Variants in PRKN observed in about 807,000 individuals in gnomAD.
PRKN encodes the protein E3 ubiquitin-protein ligase parkin.
A neutral mutation model predicts 59.5 loss-of-function variants in PRKN; 56 were observed. The observed-to-expected ratio is 0.94, with a 90% CI of 0.76 to 1.18. The LOEUF is 1.18. Ranked by LOEUF, PRKN falls within the 50% of genes most tolerant of loss-of-function variation. The pLI is 0.00. For synonymous variants in PRKN, 250 were observed against 222.1 expected (o/e 1.13, Z -1.12); for missense variants, 657 against 596.4 (o/e 1.10, Z -1.06).
chr6:162,615,703 A>C (rs1476124591), intron 1 of PRKN, among the ~76,000 whole-genome samples: 1 of 152,232 alleles, frequency 6.6e-6, no homozygotes, highest in Non-Finnish European at 1.5e-5. Context: ...TTAATTATCA[A>C]ATGTGCCAGC....
intron 2 of PRKN, among the ~76,000 whole-genome samples, chr6:162,266,993 AT>A (rs201317997): frequency 0.012 from 1,786 of 152,302 alleles, 19 homozygotes; most frequent in Middle Eastern, 0.031. Context: ...ATACAAAAAA[AT>A]AATTCCTATA....
At chr6:161,795,402 T>C (rs2128209117) in intron 6 of PRKN, among the ~76,000 whole-genome samples, 1 of 151,898 alleles carries the variant, frequency 6.6e-6, no homozygotes, top group African/African-American at 2.4e-5. Context: ...CTGGCTAATC[T>C]TTCCTATTTT....
intron 6 of PRKN, among the ~76,000 whole-genome samples, chr6:161,897,322 A>G (rs1777665333): frequency 6.6e-6 from 1 of 152,194 alleles, no homozygotes; most frequent in Non-Finnish European, 1.5e-5. Flanking sequence ...CTTCTCTCCT[A>G]TCATCCCTCT....
At chr6:162,404,727 T>C (rs577256657) in intron 2 of PRKN, among the ~76,000 whole-genome samples, 2 of 152,232 alleles carry the variant, frequency 1.3e-5, no homozygotes, top group South Asian at 2.1e-4. Flanking sequence ...TAATTTTGTA[T>C]TTTGAGTAGA....
intron 7 of PRKN, among the ~76,000 whole-genome samples, chr6:161,712,689 G>C (rs990548987): frequency 2.6e-5 from 4 of 151,828 alleles, no homozygotes; most frequent in Non-Finnish European, 4.4e-5. Flanking sequence ...TTTTTCACTT[G>C]ATAGGACTCA....
At chr6:162,163,134 G>T (rs936627862) in intron 4 of PRKN, among the ~76,000 whole-genome samples, 1 of 149,336 alleles carries the variant, frequency 6.7e-6, no homozygotes, top group African/African-American at 2.5e-5. Flanking sequence ...AAAGTGCTAT[G>T]AATGCCTAGA....
At chr6:161,600,867 C>T (rs1220307141) in intron 7 of PRKN, among the ~76,000 whole-genome samples, 1 of 152,052 alleles carries the variant, frequency 6.6e-6, no homozygotes, top group Admixed American at 6.5e-5. Flanking sequence ...CAGGTCAGGG[C>T]AAAAATTAGA....
At chr6:162,418,825 C>A (rs536367924) in intron 2 of PRKN, among the ~76,000 whole-genome samples, 24 of 151,860 alleles carry the variant, frequency 1.6e-4, no homozygotes, top group Admixed American at 9.8e-4. Flanking sequence ...CTCCTGTCAG[C>A]AGACCACTGC....
At position 161,576,606 on chromosome 6, in the gene PRKN, A is replaced by G. The variant is rs1781138908; in HGVS notation, c.872-7190T>C. 6.6e-6 allele frequency among the ~76,000 whole-genome samples: 1 copy of G among 152,248 alleles called. No homozygotes were observed. The highest frequency in any genetic ancestry group is 3.2e-3 in the Middle Eastern group (1 of 316). On this transcript the variant is annotated intron_variant, in intron 7 of 11. Transcript: ENST00000366898. This position sits in a 1 kb window ranked among gnomAD's most constrained non-coding sequence, Gnocchi z 4.6. ...GGTCGCAGCCGTGAAAAATTAAAAC[A>G]GACAAAAATCCCTCATTGGAGCTTG...
chr6:161,429,007 G>T lies in PRKN; in HGVS notation c.1084-42130C>A, dbSNP rs893011877. On this transcript the variant is annotated intron_variant, in intron 9 of 11. Transcript: ENST00000366898. This position sits in a 1 kb window ranked among gnomAD's most constrained non-coding sequence, Gnocchi z 4.2. ...TCAGGTCAGCTGGTTCAAGAAGGGG[G>T]AAAGTTTTGCTCATGTCCAAGAGAT... Among the ~76,000 whole-genome samples the T allele has an allele frequency of 6.6e-6, 1 of 152,136 alleles. No individual in the cohort carries two copies. The highest frequency in any genetic ancestry group is 1.5e-5 in the Non-Finnish European group (1 of 68,012).
At position 162,243,921 on chromosome 6, in the gene PRKN, T is replaced by C. The variant is rs1054367220; in HGVS notation, c.412+18604A>G. Among the ~76,000 whole-genome samples the C allele has an allele frequency of 1.3e-5, 2 of 152,094 alleles. 1 individual carries two copies. Among genetic ancestry groups the C allele is most frequent in the Non-Finnish European group, 2.9e-5 (2 of 67,966 alleles). On this transcript the variant is annotated intron_variant, in intron 3 of 11. Transcript: ENST00000366898. ...ATGGTGCCATCAATCTATCAATAATTTGCAGTTATGGGCAACAACTGTCAA... is the reference window on the plus strand; with the variant it reads ...ATGGTGCCATCAATCTATCAATAATCTGCAGTTATGGGCAACAACTGTCAA...
chr6:162,387,234 C>CA (rs34452454), intron 2 of PRKN, among the ~76,000 whole-genome samples: 6,844 of 100,968 alleles, frequency 0.068, 255 homozygotes, highest in Non-Finnish European at 0.1. Flanking sequence ...AAAAAATAAG[C>CA]AAAAAAAAAA....
intron 8 of PRKN, among the ~76,000 whole-genome samples, chr6:161,557,961 A>G (rs1251902947): frequency 1.3e-5 from 2 of 152,172 alleles, no homozygotes; most frequent in African/African-American, 2.4e-5. Context: ...AGCCAAAAGC[A>G]CTTCGGGGAC....
intron 1 of PRKN, among the ~76,000 whole-genome samples, chr6:162,646,461 T>C (rs138335110): frequency 1.3e-5 from 2 of 151,988 alleles, no homozygotes; most frequent in East Asian, 3.9e-4. Flanking sequence ...TAAAAATTTT[T>C]TTGTAGAGAT....
intron 6 of PRKN, among the ~76,000 whole-genome samples, chr6:161,925,622 C>T (rs1287542563): frequency 2.0e-5 from 3 of 152,224 alleles, no homozygotes; most frequent in East Asian, 3.9e-4. Context: ...AAACTGATAT[C>T]TAAAGGAAGA....
rs1562671030 is a variant in PRKN, at chr6:161,771,396, A to AAT, written c.871+14375_871+14376insAT. Among the ~76,000 whole-genome samples, 20 of 148,382 alleles carry AAT rather than the reference A, an allele frequency of 1.3e-4. 3 individuals carry two copies. The South Asian group carries it at 4.2e-3, about 31-fold the overall frequency. On this transcript the variant is annotated intron_variant, in intron 7 of 11. Coordinates refer to ENST00000366898, the MANE Select transcript of PRKN (RefSeq NM_004562.3). Reference sequence around the variant, plus strand: ...ATAAAATAAAATAAAATAAAATAAAATAAAAGCACTGCTGTGCTTGAGCCA... The same window carrying AAT: ...ATAAAATAAAATAAAATAAAATAAAAATTAAAAGCACTGCTGTGCTTGAGCCA...
At position 161,390,401 on chromosome 6, in the gene PRKN, G is replaced by C. The variant is rs937889141; in HGVS notation, c.1084-3524C>G. Among the ~76,000 whole-genome samples, 5 of 152,190 alleles carry C rather than the reference G, an allele frequency of 3.3e-5. No individual in the cohort carries two copies. The highest frequency in any genetic ancestry group is 6.5e-5 in the Admixed American group (1 of 15,290). ...GTGCTATTTTCCTTTTGGTGACATT[G>C]TATCTTTGCAAAGGTGGGCTTTTGG... On this transcript the variant is annotated intron_variant, in intron 9 of 11. Coordinates refer to ENST00000366898, the MANE Select transcript of PRKN (RefSeq NM_004562.3). The surrounding 1 kb of genome is among the most constrained non-coding windows in gnomAD (Gnocchi z 7.0).
intron 1 of PRKN, among the ~76,000 whole-genome samples, chr6:162,464,858 A>C (rs1292361211): frequency 5.3e-5 from 8 of 151,028 alleles, no homozygotes; most frequent in African/African-American, 1.9e-4. Flanking sequence ...AAAAAGAAAA[A>C]GAAAGAAATT....
In PRKN at chr6:162,190,488, T is replaced by C. The variant is rs113668168; in HGVS notation, c.534+10643A>G. 3.3e-5 allele frequency among the ~76,000 whole-genome samples: 5 copies of C among 152,314 alleles called. 1 individual carries two copies. Among genetic ancestry groups the C allele is most frequent in the African/African-American group, 1.2e-4 (5 of 41,576 alleles). On this transcript the variant is annotated intron_variant, in intron 4 of 11. Transcript: ENST00000366898. ...CTTTCAGCAAGAATCTGAGCTCAAGTTCCCCAGATTAAACTCTCAGTTTGG... is the reference window on the plus strand; with the variant it reads ...CTTTCAGCAAGAATCTGAGCTCAAGCTCCCCAGATTAAACTCTCAGTTTGG...
Sources: gnomAD v4.1 joint callset for allele counts (sites outside exome capture counted in the v4.1 genomes callset) on GRCh38, gnomAD v4.1.1 for gene constraint, Gnocchi (gnomAD v3.1) non-coding constraint, MANE v1.5 for transcripts, NCBI Gene and HGNC (gene_info 2026-07-23, HGNC 2026-07-21) for gene names.